Variants in TAFA1 observed in about 807,000 individuals in gnomAD.
The protein encoded by TAFA1 is chemokine-like protein TAFA-1.
In TAFA1, 4 loss-of-function variants were observed where a neutral mutation model predicts 18.5. That is an observed-to-expected ratio of 0.22 (90% CI 0.11 to 0.49). The LOEUF is 0.49. TAFA1 is among the 20% of genes least tolerant of loss of function. The probability of loss-of-function intolerance (pLI) is 0.98; values close to 1 mark genes in which losing one functional copy is unlikely to be tolerated. For missense variants in TAFA1, 147 were observed against 169.0 expected, an observed-to-expected ratio of 0.87 and a Z score of 0.72; for synonymous variants, 56 against 55.2, an observed-to-expected ratio of 1.01 and a Z score of -0.06.
At chr3:68,530,394 A>T (rs1045236075) in intron 3 of TAFA1, among the ~76,000 whole-genome samples, 2 of 152,202 alleles carry the variant, frequency 1.3e-5, no homozygotes, top group African/African-American at 4.8e-5. Flanking sequence ...TAGCAATATG[A>T]CCTAGTATAA....
chr3:68,436,153 C>T (rs1310363332), intron 3 of TAFA1, among the ~76,000 whole-genome samples: 3 of 152,102 alleles, frequency 2.0e-5, no homozygotes, highest in Non-Finnish European at 4.4e-5. Context: ...CTTTTAATTT[C>T]TAATTTATAA....
rs141094052 is a variant in TAFA1, at chr3:68,212,034, A to G, written c.119-205246A>G. 5.3e-3 allele frequency among the ~76,000 whole-genome samples: 804 copies of G among 152,144 alleles called. 6 individuals carry two copies. The highest frequency in any genetic ancestry group is 8.3e-3 in the Non-Finnish European group (566 of 67,948). On this transcript the variant is annotated intron_variant, in intron 2 of 4. Transcript: ENST00000478136. ...GACTGCCATGAGCTTCATAATAAAG[A>G]TAAAAGCATTGAGATGGAAAATAAG...
chr3:68,460,957 G>A (rs1006824721), intron 3 of TAFA1, among the ~76,000 whole-genome samples: 6 of 152,168 alleles, frequency 3.9e-5, no homozygotes, highest in African/African-American at 1.4e-4. Context: ...TCAGCTCTTA[G>A]TGCCCAAGAT....
chr3:68,464,491 A>G (rs781084663), intron 3 of TAFA1, among the ~76,000 whole-genome samples: 1 of 152,136 alleles, frequency 6.6e-6, no homozygotes, highest in Non-Finnish European at 1.5e-5. Context: ...AGAATCTCCA[A>G]GGTGAAAATG....
chr3:68,372,844 A>T (rs2069737984), intron 2 of TAFA1, among the ~76,000 whole-genome samples: 1 of 152,234 alleles, frequency 6.6e-6, no homozygotes, highest in Non-Finnish European at 1.5e-5. Flanking sequence ...AATAGCCCCA[A>T]TAAGAAGCTA....
intron 2 of TAFA1, among the ~76,000 whole-genome samples, chr3:68,075,029 G>A (rs2064806923): frequency 6.6e-6 from 1 of 152,146 alleles, no homozygotes; most frequent in Admixed American, 6.5e-5. Context: ...TCAAGACTGA[G>A]GACCAGACAA....
chr3:68,264,641 C>A (rs1356860517), intron 2 of TAFA1, among the ~76,000 whole-genome samples: 1 of 151,984 alleles, frequency 6.6e-6, no homozygotes, highest in East Asian at 1.9e-4. Flanking sequence ...ACTAGCATTA[C>A]CTATTTTGAG....
chr3:68,262,744 T>C (rs1055352291), intron 2 of TAFA1, among the ~76,000 whole-genome samples: 11 of 150,354 alleles, frequency 7.3e-5, no homozygotes, highest in African/African-American at 2.7e-4. Flanking sequence ...GATGAATTTA[T>C]GAGTGTGTGT....
In TAFA1 at chr3:68,163,207, G is replaced by T. The variant is rs555192363; in HGVS notation, c.118+156463G>T. Among the ~76,000 whole-genome samples the T allele has an allele frequency of 5.3e-5, 8 of 152,240 alleles. 1 individual carries two copies. The South Asian group carries it at 1.7e-3, about 32-fold the overall frequency. On this transcript the variant is annotated intron_variant, in intron 2 of 4. Transcript: ENST00000478136. The stretch of plus-strand genomic sequence containing the variant: ...TTAATCATCCTTTTCCAGTGTGTTA[G>T]TTTGATTTTAACTAAGTACTGACGA...
At chr3:68,191,167 C>A (rs1305922901) in intron 2 of TAFA1, among the ~76,000 whole-genome samples, 1 of 151,710 alleles carries the variant, frequency 6.6e-6, no homozygotes, top group Non-Finnish European at 1.5e-5. Context: ...TTGTTTTGTT[C>A]TGTCTTTCCA....
chr3:68,405,461 G>C (rs1010178346), intron 2 of TAFA1, among the ~76,000 whole-genome samples: 1 of 150,732 alleles, frequency 6.6e-6, no homozygotes, highest in Non-Finnish European at 1.5e-5. Flanking sequence ...GAACCTAGGA[G>C]ATCGAGACCA....
intron 2 of TAFA1, among the ~76,000 whole-genome samples, chr3:68,095,012 G>A (rs2065071364): frequency 6.6e-6 from 1 of 152,132 alleles, no homozygotes; most frequent in Admixed American, 6.6e-5. Flanking sequence ...GACTGTACAA[G>A]GTCACCCATC....
chr3:68,134,522 G>T (rs1046950728), intron 2 of TAFA1, among the ~76,000 whole-genome samples: 2 of 152,098 alleles, frequency 1.3e-5, no homozygotes, highest in African/African-American at 4.8e-5. Context: ...AGGAACAGCT[G>T]GTTCTTACTG....
chr3:68,496,346 GA>G (rs918554892), intron 3 of TAFA1, among the ~76,000 whole-genome samples: 3 of 152,120 alleles, frequency 2.0e-5, no homozygotes, highest in Non-Finnish European at 4.4e-5. Flanking sequence ...AGAGAAGTCT[GA>G]ACTTCCAAGA....
At chr3:68,536,868 T>A (rs1289929439) in intron 3 of TAFA1, among the ~76,000 whole-genome samples, 1 of 152,162 alleles carries the variant, frequency 6.6e-6, no homozygotes, top group East Asian at 1.9e-4. Context: ...ATTAAACATA[T>A]TAAAAGGTAA....
intron 2 of TAFA1, among the ~76,000 whole-genome samples, chr3:68,019,823 G>A (rs984524919): frequency 5.9e-5 from 9 of 152,058 alleles, no homozygotes; most frequent in African/African-American, 1.9e-4. Context: ...ATAGCCCCCC[G>A]GCCAGTGATG....
chr3:68,514,719 G>GAA (rs11388134), intron 3 of TAFA1, among the ~76,000 whole-genome samples: 29,816 of 147,146 alleles, frequency 0.2, 3,290 homozygotes, highest in South Asian at 0.38. Flanking sequence ...ACCCAGCAAT[G>GAA]AAAAAAAAAA....
At chr3:68,324,274 CCTTGTTGATAAATAT>C (rs2068741681) in intron 2 of TAFA1, among the ~76,000 whole-genome samples, 2 of 71,380 alleles carry the variant, frequency 2.8e-5, no homozygotes, top group African/African-American at 1.1e-4. Context: ...ATAAATATAG[CCTTGTTGATAAATAT>C]ACTTTCTTTT....
At chr3:68,084,561 G>A (rs572903999) in intron 2 of TAFA1, among the ~76,000 whole-genome samples, 9 of 152,252 alleles carry the variant, frequency 5.9e-5, no homozygotes, top group African/African-American at 1.9e-4. Flanking sequence ...AGTTTAGGAG[G>A]CTGAGGCGGG....
Sources: allele counts gnomAD v4.1 joint callset (sites outside exome capture counted in the v4.1 genomes callset), GRCh38; gene constraint gnomAD v4.1.1; transcripts MANE v1.5; gene names NCBI Gene and HGNC (gene_info 2026-07-23, HGNC 2026-07-21).